The following MINAR1 variants were observed in gnomAD, a reference collection of about 807,000 sequenced individuals.
MINAR1 encodes major intrinsically disordered Notch2-binding receptor 1.
Under a neutral mutation model 65.1 loss-of-function variants are expected in MINAR1, and 40 were observed. That is an observed-to-expected ratio of 0.61 (90% CI 0.48 to 0.80). MINAR1 has a LOEUF of 0.80. Among genes scored for constraint, MINAR1 ranks in the 30% least tolerant of loss-of-function variants. The pLI, the probability that MINAR1 is intolerant of heterozygous loss-of-function variation, is 0.00. For missense variants in MINAR1, 1,128 were observed against 1,148.0 expected, an observed-to-expected ratio of 0.98 and a Z score of 0.25; for synonymous variants, 482 against 449.1, an observed-to-expected ratio of 1.07 and a Z score of -0.93.
the MINAR1 span, chr15:79,411,493 G>A: frequency 1.4e-5 from 10 of 702,274 alleles, no homozygotes; most frequent in Non-Finnish European, 2.3e-5. Flanking sequence ...GGGACGACTG[G>A]CACCCTCCTA....
chr15:79,452,079 TG>T (rs1895223134), intron 1 of MINAR1, among the ~76,000 whole-genome samples: 1 of 152,040 alleles, frequency 6.6e-6, no homozygotes, highest in African/African-American at 2.4e-5. Flanking sequence ...TGAATGTGTT[TG>T]TGGATGTGTG....
At chr15:79,439,543 A>G (rs1188909217) in intron 1 of MINAR1, among the ~76,000 whole-genome samples, 3 of 151,300 alleles carry the variant, frequency 2.0e-5, no homozygotes, top group African/African-American at 7.3e-5. Context: ...GTGGGTAGAT[A>G]GTGTCGGATG....
intron 1 of MINAR1, among the ~76,000 whole-genome samples, chr15:79,447,885 A>G (rs2141285067): frequency 6.6e-6 from 1 of 152,230 alleles, no homozygotes; most frequent in African/African-American, 2.4e-5. Context: ...ATCCTTTCAC[A>G]TAAAGCTAGA....
At position 79,463,327 on chromosome 15, in the gene MINAR1, C is replaced by A. The variant is rs766186227; in HGVS notation, c.2553+6C>A. On this transcript the variant is annotated splice_donor_region_variant and intron_variant, in intron 3 of 3. Coordinates refer to ENST00000305428, the MANE Select transcript of MINAR1 (RefSeq NM_015206.3). ...TGACAGCCCTGGACCTGCAGGTGAG[C>A]CTCTCACTGTCCCTGGGTGGGGGAA... is the stretch of plus-strand genomic sequence containing the variant. 1.2e-6 allele frequency: 2 copies of A among 1,608,878 alleles called. No individual in the cohort carries two copies. Among genetic ancestry groups the A allele is most frequent in the South Asian group, 2.2e-5 (2 of 90,888 alleles).
intron 2 of MINAR1, 61 bp downstream of exon 2, chr15:79,458,506 C>G (rs1799101425): frequency 6.4e-7 from 1 of 1,556,060 alleles, no homozygotes; most frequent in Non-Finnish European, 8.7e-7. Context: ...TGGTGTATTT[C>G]AAAGCCTTGA....
chr15:79,414,082 C>T, the MINAR1 span: 1 of 152,096 alleles, frequency 6.6e-6, no homozygotes, highest in Non-Finnish European at 1.5e-5. Flanking sequence ...ACACCCATTC[C>T]CTGAATGTTA....
rs1200901851 is a variant in MINAR1 at position 79,463,698 on chromosome 15, G to A, written c.2553+377G>A. Reference sequence around the variant, plus strand: ...TGATTTCTCCTTCCATATGTAGCACGTGGGATAAGCATATTTGTGGGAGCC... The same window carrying A: ...TGATTTCTCCTTCCATATGTAGCACATGGGATAAGCATATTTGTGGGAGCC... On this transcript the variant is annotated intron_variant, in intron 3 of 3. Transcript: ENST00000305428. 1.7e-5 allele frequency: 8 copies of A among 477,774 alleles called. No homozygotes were observed. The East Asian group carries it at 3.8e-4, about 23-fold the overall frequency. The allele number at this position is 477,774 out of a possible 1,614,324, so 29.6% of individuals were successfully genotyped here. A position where few individuals can be genotyped will look rare whatever the true frequency, so the allele number is the denominator to read the frequency against.
upstream of MINAR1, chr15:79,427,367 C>T (rs970352484): frequency 6.6e-5 from 10 of 152,120 alleles, no homozygotes; most frequent in African/African-American, 1.7e-4. Context: ...CCTCATGACA[C>T]GAGTTTACCT....
At chr15:79,421,179 A>G in the MINAR1 span, 5 of 152,354 alleles carry the variant, frequency 3.3e-5, no homozygotes, top group East Asian at 1.9e-4. Flanking sequence ...ATAAGCCAGC[A>G]TTGTTTATTA....
chr15:79,466,496 A>G (rs1439272735), intron 3 of MINAR1, among the ~76,000 whole-genome samples: 4 of 152,166 alleles, frequency 2.6e-5, no homozygotes, highest in Non-Finnish European at 5.9e-5. Context: ...CATTTCATAT[A>G]ATTTTCATAT....
At chr15:79,441,753 A>G (rs1342357674) in intron 1 of MINAR1, among the ~76,000 whole-genome samples, 1 of 152,168 alleles carries the variant, frequency 6.6e-6, no homozygotes, top group Non-Finnish European at 1.5e-5. Context: ...CAAATATACT[A>G]TATGCTGGTT....
rs1294564366 is a variant in MINAR1 at position 79,468,613 on chromosome 15, T to A, written c.*229T>A. The A allele has an allele frequency of 1.9e-6, 1 of 537,428 alleles. No individual in the cohort carries two copies. Among genetic ancestry groups the A allele is most frequent in the East Asian group, 3.1e-5 (1 of 32,416 alleles). 33.3% of individuals were successfully genotyped at this position (537,428 alleles called of 1,614,324 possible). A position where few individuals can be genotyped will look rare whatever the true frequency, so the allele number is the denominator to read the frequency against. On this transcript the variant is annotated 3_prime_UTR_variant, in exon 4 of 4. Transcript: ENST00000305428. ...CTCTGACGCATTTTTAGAAGTGCAA[T>A]ATCTTTTCCTACCAAAAGAACATCA... is the stretch of plus-strand genomic sequence containing the variant.
At chr15:79,442,819 T>G (rs1894909546) in intron 1 of MINAR1, among the ~76,000 whole-genome samples, 1 of 152,118 alleles carries the variant, frequency 6.6e-6, no homozygotes, top group East Asian at 1.9e-4. Flanking sequence ...GAAAAGTACA[T>G]AAAATAACCC....
At chr15:79,458,603 G>A (rs1416915667) in intron 2 of MINAR1, among the ~76,000 whole-genome samples, 158 bp downstream of exon 2, 1 of 152,224 alleles carries the variant, frequency 6.6e-6, no homozygotes, top group East Asian at 1.9e-4. Context: ...GGAATAGAGA[G>A]GACAACATAG....
At chr15:79,450,698 TTAAA>T (rs555500176) in intron 1 of MINAR1, among the ~76,000 whole-genome samples, 36 of 152,272 alleles carry the variant, frequency 2.4e-4, no homozygotes, top group South Asian at 1.0e-3. Flanking sequence ...CTAAAAGTCT[TTAAA>T]TAAGTTGAAA....
intron 1 of MINAR1, among the ~76,000 whole-genome samples, chr15:79,436,489 A>G (rs186516276): frequency 2.0e-5 from 3 of 152,366 alleles, no homozygotes; most frequent in Admixed American, 2.0e-4. Flanking sequence ...TTTAGAGAGA[A>G]GCAAGTGAAG....
chr15:79,455,540 C>T (rs1895382998), intron 1 of MINAR1, among the ~76,000 whole-genome samples: 1 of 152,176 alleles, frequency 6.6e-6, no homozygotes, highest in South Asian at 2.1e-4. Context: ...CTCTGTGCCC[C>T]TTTGAGGTCA....
rs374800681 is a variant in MINAR1 at position 79,456,712 on chromosome 15, G to A, written c.565G>A (p.Ala189Thr). The A allele has an allele frequency of 2.8e-5, 45 of 1,614,140 alleles. No individual in the cohort carries two copies. The highest frequency in any genetic ancestry group is 3.3e-5 in the Admixed American group (2 of 60,026). ...AGTTAGCAAAGAGGTGAAAAACCGC[G>A]CCGCTTCCCTGGACAGGTTGCAGGC... ...LGVSKEVKNR[A>T]ASLDRLQALA... Residue 189 changes from alanine (A) to threonine (T), a missense_variant, in exon 2 of 4, where the codon GCC becomes ACC. Ala to Thr is a moderately conservative substitution (Grantham distance 58, BLOSUM62 0). Transcript: ENST00000305428.
In MINAR1 at chr15:79,468,726, G is replaced by A. The variant is rs1376385224; in HGVS notation, c.*342G>A. On this transcript the variant is annotated 3_prime_UTR_variant, in exon 4 of 4. Transcript: ENST00000305428. ...TTCCATTTTGATGATGTTTCATGGT[G>A]GGGAATAAGTTATACAGAAGATATT... 3.4e-6 allele frequency: 1 copy of A among 297,902 alleles called. No individual in the cohort carries two copies. The highest frequency in any genetic ancestry group is 4.9e-5 in the Admixed American group (1 of 20,416). The allele number at this position is 297,902 out of a possible 1,614,324, so 18.5% of individuals were successfully genotyped here.
Sources: gnomAD v4.1 joint callset for allele counts (sites outside exome capture counted in the v4.1 genomes callset) on GRCh38, gnomAD v4.1.1 for gene constraint, MANE v1.5 for transcripts, NCBI Gene and HGNC (gene_info 2026-07-23, HGNC 2026-07-21) for gene names.